The following FAM13A variants were observed in gnomAD, a reference collection of about 807,000 sequenced individuals.
FAM13A encodes protein FAM13A.
Under a neutral mutation model 129.6 loss-of-function variants are expected in FAM13A, and 76 were observed. That is an observed-to-expected ratio of 0.59 (90% CI 0.49 to 0.71). FAM13A has a LOEUF of 0.71. Ranked by LOEUF, FAM13A falls within the 30% of genes least tolerant of loss-of-function variation. The pLI is 0.00. For missense variants in FAM13A, 1,108 were observed against 1,249.3 expected (o/e 0.89, Z 1.70); for synonymous variants, 443 against 449.9 (o/e 0.98, Z 0.20).
At chr4:88,957,854 C>T (rs1757993737) in intron 4 of FAM13A, among the ~76,000 whole-genome samples, 2 of 152,172 alleles carry the variant, frequency 1.3e-5, no homozygotes, top group Admixed American at 1.3e-4. Context: ...TCTGCTCATG[C>T]TTTAGGGAAT....
rs182026154 is a variant in FAM13A at position 88,949,126 on chromosome 4, C to G, written c.606-10885G>C. Among the ~76,000 whole-genome samples, 34 of 152,178 alleles carry G rather than the reference C, an allele frequency of 2.2e-4. 1 individual carries two copies. The East Asian group carries it at 6.6e-3, about 29-fold the overall frequency. On this transcript the variant is annotated intron_variant, in intron 4 of 23. Transcript: ENST00000264344. The stretch of plus-strand genomic sequence containing the variant: ...TATTCAACATATTAGTTATCCTCAC[C>G]TTTGTTTCAATGATGACGTTTATGT...
chr4:88,853,784 C>T (rs1446668126), intron 6 of FAM13A, among the ~76,000 whole-genome samples: 1 of 152,182 alleles, frequency 6.6e-6, no homozygotes, highest in Non-Finnish European at 1.5e-5. Flanking sequence ...TAGGTCGACA[C>T]CATCTAGTCA....
chr4:88,839,276 C>T (rs936886989), intron 7 of FAM13A, among the ~76,000 whole-genome samples: 2 of 151,988 alleles, frequency 1.3e-5, no homozygotes, highest in African/African-American at 4.8e-5. Flanking sequence ...GATCTAACAG[C>T]AATTATTTAT....
intron 4 of FAM13A, among the ~76,000 whole-genome samples, chr4:88,952,008 C>T (rs1282692527): frequency 6.6e-6 from 1 of 151,996 alleles, no homozygotes; most frequent in Non-Finnish European, 1.5e-5. Context: ...AGTTACTTTC[C>T]TCTTTGTACA....
At chr4:88,789,835 C>A (rs1287209119) in intron 9 of FAM13A, among the ~76,000 whole-genome samples, 3 of 152,064 alleles carry the variant, frequency 2.0e-5, no homozygotes, top group Non-Finnish European at 4.4e-5. Context: ...AAAGTGCTGG[C>A]CAGGCTGAGG....
At chr4:88,761,112 C>T (rs533478178) in intron 13 of FAM13A, among the ~76,000 whole-genome samples, 16 of 152,240 alleles carry the variant, frequency 1.1e-4, no homozygotes, top group African/African-American at 3.9e-4. Context: ...TAGCCTGGTG[C>T]CCTGGCTGAG....
intron 7 of FAM13A, among the ~76,000 whole-genome samples, chr4:88,810,027 G>A (rs549836695): frequency 6.6e-6 from 1 of 152,116 alleles, no homozygotes; most frequent in Non-Finnish European, 1.5e-5. Flanking sequence ...TTGTGCCTAA[G>A]AACACAACTC....
chr4:88,918,690 G>A (rs1014093903), intron 5 of FAM13A, among the ~76,000 whole-genome samples: 1 of 152,152 alleles, frequency 6.6e-6, no homozygotes, highest in Admixed American at 6.6e-5. Flanking sequence ...GAAAATACAT[G>A]GAGTGAAAAT....
intron 1 of FAM13A, among the ~76,000 whole-genome samples, chr4:89,041,111 G>A (rs531714904): frequency 2.3e-4 from 35 of 152,340 alleles, no homozygotes; most frequent in African/African-American, 7.5e-4. Flanking sequence ...GGGAGATAAA[G>A]AGAGGTGTTA....
chr4:89,021,103 A>G (rs1206594633), intron 2 of FAM13A, among the ~76,000 whole-genome samples: 1 of 152,262 alleles, frequency 6.6e-6, no homozygotes, highest in Non-Finnish European at 1.5e-5. Context: ...GTAATAGTTT[A>G]AGAAATAAGG....
Position 88,944,903 on chromosome 4 carries a change from C to CAA in FAM13A, c.606-6664_606-6663dup, listed in dbSNP as rs35402009. ...CGGCAACAAGAGCGAAACTCTGTCT[C>CAA]AAAAAAAAAAAAAAAGTTCAATCTG... On this transcript the variant is annotated intron_variant, in intron 4 of 23. Coordinates refer to ENST00000264344, the MANE Select transcript of FAM13A (RefSeq NM_014883.4). Among the ~76,000 whole-genome samples the CAA allele has an allele frequency of 4.1e-4, 56 of 137,372 alleles. 1 individual carries two copies. Among genetic ancestry groups the CAA allele is most frequent in the South Asian group, 7.1e-4 (3 of 4,218 alleles). The allele number at this position is 137,372 out of a possible 152,430, so 90.1% of individuals were successfully genotyped here.
intron 6 of FAM13A, among the ~76,000 whole-genome samples, chr4:88,899,689 T>G (rs888051241): frequency 2.6e-5 from 4 of 151,998 alleles, no homozygotes; most frequent in Non-Finnish European, 5.9e-5. Context: ...TAAAGAAGTT[T>G]TTCTATACTG....
intron 3 of FAM13A, among the ~76,000 whole-genome samples, chr4:88,995,884 T>A (rs1763477287): frequency 6.6e-6 from 1 of 152,156 alleles, no homozygotes; most frequent in Non-Finnish European, 1.5e-5. Context: ...ATGTTTAAAA[T>A]ATATGTGAAG....
At chr4:88,793,555 A>G (rs1725592687) in intron 8 of FAM13A, among the ~76,000 whole-genome samples, 1 of 151,988 alleles carries the variant, frequency 6.6e-6, no homozygotes. Flanking sequence ...TTCCACTGGT[A>G]ATCAGAAAAG....
intron 14 of FAM13A, 34 bp from the exon 15 acceptor site, chr4:88,750,671 C>A: frequency 2.0e-6 from 3 of 1,521,470 alleles, no homozygotes; most frequent in Middle Eastern, 1.8e-4. Context: ...CAGGACTGTT[C>A]CTGAAAGAGG....
chr4:89,037,831 C>G (rs973638562), intron 1 of FAM13A, among the ~76,000 whole-genome samples: 1 of 152,188 alleles, frequency 6.6e-6, no homozygotes, highest in African/African-American at 2.4e-5. Flanking sequence ...TCTTCCTCCT[C>G]TTCTGGCCAT....
chr4:89,003,660 TA>T (rs879498780), intron 3 of FAM13A, among the ~76,000 whole-genome samples: 122 of 144,560 alleles, frequency 8.4e-4, no homozygotes, highest in South Asian at 4.8e-3. Flanking sequence ...TACATGTATG[TA>T]AAAAAAAAAA....
chr4:88,767,638 T>C (rs781558123), intron 12 of FAM13A, 43 bp from the exon 13 acceptor site: 8 of 1,463,644 alleles, frequency 5.5e-6, no homozygotes, highest in Non-Finnish European at 7.5e-6. Context: ...AAATATCTAC[T>C]TGTTTTATAA....
At chr4:88,948,645 C>T (rs748485751) in intron 4 of FAM13A, among the ~76,000 whole-genome samples, 4 of 152,076 alleles carry the variant, frequency 2.6e-5, no homozygotes, top group African/African-American at 2.4e-5. Context: ...CATGCCACCA[C>T]GCCTGGCTAA....
Sources: allele counts gnomAD v4.1 joint callset (sites outside exome capture counted in the v4.1 genomes callset), GRCh38; gene constraint gnomAD v4.1.1; transcripts MANE v1.5; gene names NCBI Gene and HGNC (gene_info 2026-07-23, HGNC 2026-07-21).